Variants in DTWD2 observed in about 807,000 individuals in gnomAD.
DTWD2 encodes the protein DTW motif tRNA-uridine aminocarboxypropyltransferase 2, also known as tRNA-uridine aminocarboxypropyltransferase 2.
In DTWD2, 39 loss-of-function variants were observed where a neutral mutation model predicts 31.8. That is an observed-to-expected ratio of 1.22 (90% CI 0.95 to 1.60). DTWD2 has a LOEUF of 1.60. Ranked by LOEUF, DTWD2 falls within the 40% of genes most tolerant of loss-of-function variation. The probability of loss-of-function intolerance (pLI) is 0.00; values close to 1 mark genes in which losing one functional copy is unlikely to be tolerated. For synonymous variants in DTWD2, 180 were observed against 142.8 expected (o/e 1.26, Z -1.86); for missense variants, 515 against 381.5 (o/e 1.35, Z -2.92).
intron 4 of DTWD2, among the ~76,000 whole-genome samples, chr5:118,903,163 T>G (rs1753254869): frequency 6.6e-6 from 1 of 150,468 alleles, no homozygotes; most frequent in Non-Finnish European, 1.5e-5. Context: ...AAAAAAAAAC[T>G]TGAGTCAGTA....
intron 3 of DTWD2, among the ~76,000 whole-genome samples, chr5:118,934,478 T>C (rs1179035145): frequency 6.6e-6 from 1 of 151,898 alleles, no homozygotes; most frequent in Non-Finnish European, 1.5e-5. Context: ...AAGGTTCTTA[T>C]GTTATATATT....
chr5:118,858,679 C>A (rs1439415191), intron 4 of DTWD2, among the ~76,000 whole-genome samples: 1 of 152,098 alleles, frequency 6.6e-6, no homozygotes, highest in African/African-American at 2.4e-5. Flanking sequence ...AAATTACAAA[C>A]TTCTTGCTAT....
intron 2 of DTWD2, among the ~76,000 whole-genome samples, chr5:118,943,280 G>T (rs1018874474): frequency 2.0e-5 from 3 of 152,140 alleles, no homozygotes; most frequent in Non-Finnish European, 4.4e-5. Flanking sequence ...GGCCAGGTGC[G>T]GTGGCTCACG....
At chr5:118,856,472 T>G (rs1260871226) in intron 4 of DTWD2, among the ~76,000 whole-genome samples, 1 of 152,188 alleles carries the variant, frequency 6.6e-6, no homozygotes, top group Non-Finnish European at 1.5e-5. Context: ...TATCTTGGTC[T>G]AGAAGTACAA....
At chr5:118,851,936 G>A (rs1752018274) in intron 4 of DTWD2, among the ~76,000 whole-genome samples, 1 of 152,076 alleles carries the variant, frequency 6.6e-6, no homozygotes, top group African/African-American at 2.4e-5. Flanking sequence ...ATCCTAGTAA[G>A]CCTGAGGGTA....
At chr5:118,890,177 T>C (rs774586797) in intron 4 of DTWD2, among the ~76,000 whole-genome samples, 14 of 152,180 alleles carry the variant, frequency 9.2e-5, no homozygotes, top group Non-Finnish European at 1.8e-4. Context: ...TAATTTGCCA[T>C]GTCAAAAAGC....
intron 1 of DTWD2, among the ~76,000 whole-genome samples, chr5:118,958,760 A>G (rs1754645859): frequency 6.6e-6 from 1 of 152,206 alleles, no homozygotes; most frequent in South Asian, 2.1e-4. Context: ...CAATCTGATC[A>G]AGTAGGTTTT....
chr5:118,916,814 A>G (rs1385831598), intron 4 of DTWD2, among the ~76,000 whole-genome samples: 1 of 152,218 alleles, frequency 6.6e-6, no homozygotes, highest in Non-Finnish European at 1.5e-5. Flanking sequence ...TACTCAGAAT[A>G]AAATCCAAAT....
chr5:118,944,683 T>A, intron 1 of DTWD2, 34 bp from the exon 2 acceptor site: 3 of 1,596,740 alleles, frequency 1.9e-6, no homozygotes, highest in Non-Finnish European at 2.6e-6. Context: ...AACTGGTAAA[T>A]TTTAAAAATA....
chr5:118,944,751 T>G, intron 1 of DTWD2, 102 bp from the exon 2 acceptor site: 1 of 1,000,800 alleles, frequency 1.0e-6, no homozygotes, highest in South Asian at 1.7e-5. Flanking sequence ...ACAAAGAGGT[T>G]TGCTAAAGCT....
intron 4 of DTWD2, 44 bp downstream of exon 4, chr5:118,928,492 TA>T (rs1449004027): frequency 7.7e-7 from 1 of 1,300,422 alleles, no homozygotes; most frequent in Non-Finnish European, 1.0e-6. Context: ...ACAATATACC[TA>T]ATTATATATT....
chr5:118,873,137 C>G (rs1028657435), intron 4 of DTWD2, among the ~76,000 whole-genome samples: 15 of 152,210 alleles, frequency 9.9e-5, no homozygotes, highest in African/African-American at 3.6e-4. Context: ...ACCATGGACA[C>G]TGAGGTAGCA....
chr5:118,862,649 T>G (rs558583468), intron 4 of DTWD2, among the ~76,000 whole-genome samples: 1 of 152,232 alleles, frequency 6.6e-6, no homozygotes, highest in Non-Finnish European at 1.5e-5. Context: ...ACTTCTTAGC[T>G]GGTAAAACAG....
intron 1 of DTWD2, among the ~76,000 whole-genome samples, chr5:118,951,601 G>T (rs1337775597): frequency 1.3e-5 from 2 of 152,180 alleles, no homozygotes; most frequent in Admixed American, 6.5e-5. Flanking sequence ...GGGGTCAAGC[G>T]GTGTTGCAGA....
At chr5:118,944,410 A>T (rs1389552991) in intron 2 of DTWD2, 149 bp downstream of exon 2, 2 of 744,076 alleles carry the variant, frequency 2.7e-6, no homozygotes, top group Non-Finnish European at 4.3e-6. Flanking sequence ...GAAATTAAAA[A>T]GAAACTATTT....
chr5:118,978,008 T>A (rs185529754), intron 1 of DTWD2, among the ~76,000 whole-genome samples: 1 of 152,030 alleles, frequency 6.6e-6, no homozygotes, highest in Admixed American at 6.5e-5. Flanking sequence ...ACCAGACACA[T>A]AGACCAATGG....
At position 118,866,648 on chromosome 5, in the gene DTWD2, G is replaced by T. The variant is rs143018695; in HGVS notation, c.598-18430C>A. 3.5e-4 allele frequency among the ~76,000 whole-genome samples: 53 copies of T among 152,198 alleles called. 1 individual carries two copies. Among genetic ancestry groups the T allele is most frequent in the African/African-American group, 5.3e-4 (22 of 41,514 alleles). ...AAACTACAAATTCAGGCCGGGGGTG[G>T]TGGCTCATGGCTGTAATCCCAGCAC... On this transcript the variant is annotated intron_variant, in intron 4 of 5. Transcript: ENST00000510708.
chr5:118,903,249 C>A (rs955244415), intron 4 of DTWD2, among the ~76,000 whole-genome samples: 1 of 151,290 alleles, frequency 6.6e-6, no homozygotes, highest in African/African-American at 2.4e-5. Context: ...GCTGGGAAAA[C>A]TATAAACTGC....
chr5:118,849,526 GT>G (rs1751948145), intron 4 of DTWD2, among the ~76,000 whole-genome samples: 2 of 152,242 alleles, frequency 1.3e-5, no homozygotes, highest in Admixed American at 6.5e-5. Flanking sequence ...CCATTACTGG[GT>G]ATATACCCAA....
Sources: allele counts gnomAD v4.1 joint callset (sites outside exome capture counted in the v4.1 genomes callset), GRCh38; gene constraint gnomAD v4.1.1; transcripts MANE v1.5; gene names NCBI Gene and HGNC (gene_info 2026-07-23, HGNC 2026-07-21).